Variants in SMG6 observed in about 807,000 individuals in gnomAD.
SMG6 encodes the protein telomerase-binding protein EST1A.
Under a neutral mutation model 142.2 loss-of-function variants are expected in SMG6, and 66 were observed. The ratio of observed to expected loss-of-function variants is 0.46; its 90% confidence interval spans 0.38 to 0.57. The LOEUF is 0.57. Ranked by LOEUF, SMG6 falls within the 20% of genes least tolerant of loss-of-function variation. The probability of loss-of-function intolerance (pLI) is 0.00; values close to 1 mark genes in which losing one functional copy is unlikely to be tolerated. For synonymous variants in SMG6, 779 were observed against 702.4 expected (o/e 1.11, Z -1.72); for missense variants, 1,793 against 1,832.0 (o/e 0.98, Z 0.39).
intron 6 of SMG6, among the ~76,000 whole-genome samples, chr17:2,291,430 C>A (rs1455156113): frequency 1.3e-5 from 2 of 150,444 alleles, no homozygotes; most frequent in African/African-American, 2.4e-5. Context: ...AAGAAGGAAT[C>A]AGGAAAAGAC....
intron 8 of SMG6, among the ~76,000 whole-genome samples, chr17:2,264,200 C>T (rs1343157280): frequency 1.3e-5 from 2 of 152,198 alleles, no homozygotes; most frequent in South Asian, 2.1e-4. Flanking sequence ...TCCTAAGGGA[C>T]GATTTATAGT....
At position 2,300,316 on chromosome 17, in the gene SMG6, T is replaced by C. The variant is rs372054320; in HGVS notation, c.437A>G (p.Tyr146Cys). ...KRTKKPDLQI[Y>C]QPGRRLQTVS... is the part of the protein sequence containing the mutation. The stretch of plus-strand genomic sequence containing the variant: ...AGTCTGCAAACGTCGTCCAGGCTGA[T>C]AGATCTGCAGGTCGGGTTTCTTTGT... The change falls in exon 2 of 19, where the codon TAT (tyrosine) becomes TGT (cysteine). Residue 146 changes from tyrosine to cysteine, a missense_variant. By Grantham distance (194) the Tyr-to-Cys change is radical (BLOSUM62 -2). This residue lies in a region of SMG6 where 1,597 missense variants were observed against 1,584.6 expected (regional missense o/e 1.01). Coordinates refer to ENST00000263073, the MANE Select transcript of SMG6 (RefSeq NM_017575.5). 19 of 1,614,080 alleles carry C rather than the reference T, an allele frequency of 1.2e-5. No homozygotes were observed. Among genetic ancestry groups the C allele is most frequent in the Admixed American group, 6.7e-5 (4 of 60,028 alleles).
intron 15 of SMG6, among the ~76,000 whole-genome samples, chr17:2,079,086 C>T (rs2068338437): frequency 1.3e-5 from 2 of 152,108 alleles, no homozygotes; most frequent in Non-Finnish European, 2.9e-5. Context: ...GCCTCAGCCT[C>T]CCGAGTAGCT....
chr17:2,068,880 G>T lies in SMG6; in HGVS notation c.3733C>A (p.Pro1245Thr). Residue 1245 changes from proline to threonine, a missense_variant, in exon 16 of 19, where the codon CCT (proline) becomes ACT (threonine). Pro to Thr is a conservative substitution (Grantham distance 38). Coordinates refer to ENST00000263073, the MANE Select transcript of SMG6 (RefSeq NM_017575.5). The surrounding 1 kb of genome is among the most constrained non-coding windows in gnomAD (Gnocchi z 6.7). ...TTGGTGTCTGGTACGAGGAACAAAG[G>T]TCTGATTTCGAGCTCCATCTGCCTC... is the stretch of plus-strand genomic sequence containing the variant. ...QMRQMELEIR[P>T]LFLVPDTNGF... 6.2e-7 allele frequency: 1 copy of T among 1,614,218 alleles called. No individual in the cohort carries two copies. Among genetic ancestry groups the T allele is most frequent in the Non-Finnish European group, 8.5e-7 (1 of 1,180,026 alleles).
chr17:2,075,412 G>C (rs1197644671), intron 15 of SMG6, among the ~76,000 whole-genome samples: 1 of 152,200 alleles, frequency 6.6e-6, no homozygotes, highest in African/African-American at 2.4e-5. Context: ...GGAAACAATA[G>C]ATGTGGCCAG....
At chr17:2,095,723 G>A (rs989081354) in intron 13 of SMG6, among the ~76,000 whole-genome samples, 4 of 152,316 alleles carry the variant, frequency 2.6e-5, no homozygotes, top group African/African-American at 9.6e-5. Context: ...CAGAGACCCA[G>A]GACACTGCTC....
rs576870359 is a variant in SMG6, at chr17:2,077,016, A to G, written c.3681+4794T>C. On this transcript the variant is annotated intron_variant, in intron 15 of 18. Transcript: ENST00000263073. ...CTGGTCGCTGGAGAGGCAAAGCTAA[A>G]CACCAAGCTCCAGAAGCGGATGGAT... is the stretch of plus-strand genomic sequence containing the variant. Among the ~76,000 whole-genome samples, 21 of 152,304 alleles carry G rather than the reference A, an allele frequency of 1.4e-4. No individual in the cohort carries two copies. The South Asian group carries it at 1.9e-3, about 14-fold the overall frequency.
chr17:2,154,385 G>C (rs1255096093), intron 13 of SMG6, among the ~76,000 whole-genome samples: 1 of 152,104 alleles, frequency 6.6e-6, no homozygotes, highest in East Asian at 1.9e-4. Flanking sequence ...GGGGCTGAGG[G>C]AGGGCCCACT....
intron 9 of SMG6, 104 bp downstream of exon 9, chr17:2,244,554 A>G (rs2151301940): frequency 1.2e-6 from 1 of 841,900 alleles, no homozygotes; most frequent in Non-Finnish European, 2.0e-6. Context: ...CTAAGAATTC[A>G]CACCCTGTGC....
At chr17:2,065,730 C>A (rs1404721903) in intron 16 of SMG6, 51 bp from the exon 17 acceptor site, 13 of 1,475,108 alleles carry the variant, frequency 8.8e-6, no homozygotes, top group Non-Finnish European at 1.2e-5. Flanking sequence ...CAGCTTTCAT[C>A]CTAGGCCTCT....
intron 15 of SMG6, among the ~76,000 whole-genome samples, chr17:2,072,424 TGGAA>T (rs977941747): frequency 6.6e-6 from 1 of 152,172 alleles, no homozygotes; most frequent in African/African-American, 2.4e-5. Flanking sequence ...ATTCTGTTTC[TGGAA>T]GGTGCTAAGT....
intron 8 of SMG6, among the ~76,000 whole-genome samples, chr17:2,253,355 G>C (rs1356235347): frequency 6.6e-6 from 1 of 152,022 alleles, no homozygotes; most frequent in East Asian, 1.9e-4. Context: ...GTGTTGACCA[G>C]GATGGTCTCG....
chr17:2,266,839 G>C (rs2074432352), intron 8 of SMG6, among the ~76,000 whole-genome samples: 1 of 152,168 alleles, frequency 6.6e-6, no homozygotes, highest in African/African-American at 2.4e-5. Context: ...GTCCAGCAGT[G>C]ATCTGGACAA....
intron 13 of SMG6, among the ~76,000 whole-genome samples, chr17:2,103,250 T>C (rs970759616): frequency 5.9e-5 from 9 of 152,166 alleles, no homozygotes; most frequent in Non-Finnish European, 1.3e-4. Flanking sequence ...CTGAGCTTGA[T>C]GGAGGAGCTC....
At chr17:2,151,667 C>T (rs188366876) in intron 13 of SMG6, among the ~76,000 whole-genome samples, 5 of 152,340 alleles carry the variant, frequency 3.3e-5, no homozygotes, top group East Asian at 1.9e-4. Context: ...CATCTTAACA[C>T]GGATCAGCAA....
At chr17:2,295,059 TAG>T in intron 4 of SMG6, among the ~76,000 whole-genome samples, 1 of 152,158 alleles carries the variant, frequency 6.6e-6, no homozygotes, top group East Asian at 1.9e-4. Flanking sequence ...GTATTTTTAG[TAG>T]AGAGGGGGTT....
intron 13 of SMG6, among the ~76,000 whole-genome samples, chr17:2,098,722 C>T (rs2068924998): frequency 6.6e-6 from 1 of 152,046 alleles, no homozygotes; most frequent in African/African-American, 2.4e-5. Flanking sequence ...CCTCTGCCTC[C>T]TGTGTTCAAG....
intron 13 of SMG6, among the ~76,000 whole-genome samples, chr17:2,096,849 A>T (rs1457087753): frequency 6.6e-6 from 1 of 151,988 alleles, no homozygotes; most frequent in Non-Finnish European, 1.5e-5. Flanking sequence ...CCTCACACTA[A>T]CCTCTCCCAA....
At chr17:2,282,579 C>G (rs1336877336) in intron 8 of SMG6, 68 bp downstream of exon 8, 6 of 1,489,286 alleles carry the variant, frequency 4.0e-6, no homozygotes, top group Non-Finnish European at 5.6e-6. Context: ...TGCCTCACAG[C>G]TGTATGAACC....
Sources: allele counts gnomAD v4.1 joint callset (sites outside exome capture counted in the v4.1 genomes callset), GRCh38; gene constraint gnomAD v4.1.1; regional missense constraint gnomAD v4.1.1; non-coding constraint Gnocchi (gnomAD v3.1); transcripts MANE v1.5; gene names NCBI Gene and HGNC (gene_info 2026-07-23, HGNC 2026-07-21).